The following SLC35F1 variants were observed in gnomAD, a reference collection of about 807,000 sequenced individuals.
The protein encoded by SLC35F1 is chromosome 6 open reading frame 169.
SLC35F1 carries 14 observed loss-of-function variants against 48.7 expected under a neutral mutation model. The ratio of observed to expected loss-of-function variants is 0.29; its 90% CI spans 0.19 to 0.45. SLC35F1 has a LOEUF of 0.45. Ranked by LOEUF, SLC35F1 falls within the 20% of genes least tolerant of loss-of-function variation. The pLI is 1.00. For synonymous variants in SLC35F1, 190 were observed against 202.2 expected, an observed-to-expected ratio of 0.94 and a Z score of 0.51; for missense variants, 404 against 500.0, an observed-to-expected ratio of 0.81 and a Z score of 1.83.
At chr6:118,102,835 A>G (rs1480023294) in intron 1 of SLC35F1, among the ~76,000 whole-genome samples, 2 of 152,230 alleles carry the variant, frequency 1.3e-5, no homozygotes, top group East Asian at 3.9e-4. Context: ...AAAGCTGTAA[A>G]GGAAGTGCCT....
chr6:118,073,686 A>C (rs746919053), intron 1 of SLC35F1, among the ~76,000 whole-genome samples: 9 of 152,188 alleles, frequency 5.9e-5, no homozygotes, highest in Admixed American at 1.3e-4. Flanking sequence ...GATTGAACAG[A>C]TACATGTTAT....
intron 1 of SLC35F1, among the ~76,000 whole-genome samples, chr6:118,114,269 C>A (rs1394324684): frequency 1.3e-5 from 2 of 152,100 alleles, no homozygotes; most frequent in African/African-American, 2.4e-5. Flanking sequence ...ACTAAATTAT[C>A]ATCGCAATTA....
At chr6:117,938,516 C>A (rs966642864) in intron 1 of SLC35F1, among the ~76,000 whole-genome samples, 1 of 152,220 alleles carries the variant, frequency 6.6e-6, no homozygotes, top group African/African-American at 2.4e-5. Flanking sequence ...GGGCTCACTG[C>A]CCCCAGCCCA....
intron 3 of SLC35F1, among the ~76,000 whole-genome samples, chr6:118,243,000 T>C (rs574484119): frequency 4.6e-5 from 7 of 152,314 alleles, no homozygotes; most frequent in South Asian, 2.1e-4. Context: ...CACTGATTAT[T>C]TTATTTTCTG....
At chr6:118,018,181 G>A (rs1041115634) in intron 1 of SLC35F1, among the ~76,000 whole-genome samples, 15 of 152,120 alleles carry the variant, frequency 9.9e-5, no homozygotes, top group Non-Finnish European at 1.6e-4. Flanking sequence ...GACCTGCCTG[G>A]CCAACATGGT....
At chr6:118,294,972 A>C (rs1197991245) in intron 7 of SLC35F1, among the ~76,000 whole-genome samples, 1 of 152,176 alleles carries the variant, frequency 6.6e-6, no homozygotes, top group Non-Finnish European at 1.5e-5. Context: ...TATACCAGAT[A>C]ATTTTTAAAT....
At chr6:118,114,586 C>G (rs1773452369) in intron 1 of SLC35F1, among the ~76,000 whole-genome samples, 2 of 151,986 alleles carry the variant, frequency 1.3e-5, no homozygotes, top group African/African-American at 4.8e-5. Context: ...TCGTGTTAGC[C>G]AGGATGGTCT....
intron 1 of SLC35F1, among the ~76,000 whole-genome samples, chr6:118,142,587 C>G (rs910998110): frequency 2.6e-5 from 4 of 152,144 alleles, no homozygotes; most frequent in African/African-American, 9.6e-5. Context: ...AGAATCATCC[C>G]TGCAGTAGAA....
At chr6:118,056,899 T>A (rs1772470417) in intron 1 of SLC35F1, among the ~76,000 whole-genome samples, 1 of 152,136 alleles carries the variant, frequency 6.6e-6, no homozygotes, top group African/African-American at 2.4e-5. Flanking sequence ...TTGTTTTGAT[T>A]ATTAGACCAT....
chr6:118,061,285 G>C (rs1772532698), intron 1 of SLC35F1, among the ~76,000 whole-genome samples: 1 of 152,222 alleles, frequency 6.6e-6, no homozygotes, highest in Non-Finnish European at 1.5e-5. Flanking sequence ...ATGAAGGGAA[G>C]CTGCTGGTAA....
At position 117,997,122 on chromosome 6, in the gene SLC35F1, A is replaced by G. The variant is rs1206434621; in HGVS notation, c.173+89223A>G. On this transcript the variant is annotated intron_variant, in intron 1 of 7. Transcript: ENST00000360388. ...AAGCCAAGGCTCGAGAACTACGTGAAGAATGCAGAAGCCTCAGCAGCTGAT... is the reference window on the plus strand; with the variant it reads ...AAGCCAAGGCTCGAGAACTACGTGAGGAATGCAGAAGCCTCAGCAGCTGAT... 2.6e-5 allele frequency among the ~76,000 whole-genome samples: 4 copies of G among 152,164 alleles called. No homozygotes were observed. The East Asian group carries it at 7.7e-4, about 29-fold the overall frequency.
At chr6:118,164,308 G>C (rs1251189034) in intron 2 of SLC35F1, among the ~76,000 whole-genome samples, 6 of 152,110 alleles carry the variant, frequency 3.9e-5, no homozygotes, top group Admixed American at 3.9e-4. Context: ...AAAAAATAGA[G>C]TGAATATCAA....
At chr6:117,965,373 C>G (rs997812605) in intron 1 of SLC35F1, among the ~76,000 whole-genome samples, 3 of 152,192 alleles carry the variant, frequency 2.0e-5, no homozygotes, top group African/African-American at 7.2e-5. Context: ...GAGCTACTGG[C>G]AAGCCTTTTT....
At chr6:118,032,110 T>C (rs751825159) in intron 1 of SLC35F1, among the ~76,000 whole-genome samples, 9 of 152,226 alleles carry the variant, frequency 5.9e-5, no homozygotes, top group Non-Finnish European at 1.2e-4. Context: ...ATATTAACAA[T>C]GATGCTTAAA....
intron 1 of SLC35F1, among the ~76,000 whole-genome samples, chr6:118,108,889 T>C (rs564742487): frequency 5.3e-5 from 8 of 152,202 alleles, no homozygotes; most frequent in Non-Finnish European, 1.0e-4. Flanking sequence ...TAAAATTAAA[T>C]TGCAATACTT....
chr6:117,941,832 G>A (rs1394016345), intron 1 of SLC35F1, among the ~76,000 whole-genome samples: 1 of 152,326 alleles, frequency 6.6e-6, no homozygotes, highest in South Asian at 2.1e-4. Flanking sequence ...AATCCCCGAT[G>A]TGGGATTCCC....
intron 3 of SLC35F1, among the ~76,000 whole-genome samples, chr6:118,239,424 A>T (rs1399500694): frequency 6.6e-6 from 1 of 151,850 alleles, no homozygotes; most frequent in Non-Finnish European, 1.5e-5. Flanking sequence ...CCATTAGCCC[A>T]GAGTCAAAAT....
chr6:118,282,914 T>G (rs1304093701), intron 6 of SLC35F1, among the ~76,000 whole-genome samples: 1 of 152,208 alleles, frequency 6.6e-6, no homozygotes, highest in Non-Finnish European at 1.5e-5. Context: ...TCTCTGTAAC[T>G]GGTCCCATGC....
chr6:118,314,463 T>C lies in SLC35F1; in HGVS notation c.*211T>C, dbSNP rs1309538603. On this transcript the variant is annotated 3_prime_UTR_variant, in exon 8 of 8. Transcript: ENST00000360388. ...CACCTGACTTGGAAGGATGCCTAGC[T>C]AACGTGTATCCTGATCACAACTCCC... is the stretch of plus-strand genomic sequence containing the variant. The C allele has an allele frequency of 3.4e-6, 2 of 588,538 alleles. No individual in the cohort carries two copies. Among genetic ancestry groups the C allele is most frequent in the African/African-American group, 3.7e-5 (2 of 53,692 alleles). 36.5% of individuals were successfully genotyped at this position (588,538 alleles called of 1,614,324 possible).
Sources: allele counts gnomAD v4.1 joint callset (sites outside exome capture counted in the v4.1 genomes callset), GRCh38; gene constraint gnomAD v4.1.1; transcripts MANE v1.5; gene names NCBI Gene and HGNC (gene_info 2026-07-23, HGNC 2026-07-21).